NAGLU: variants seen among roughly 807,000 people sequenced by gnomAD.
NAGLU encodes alpha-N-acetylglucosaminidase.
NAGLU carries 34 observed loss-of-function variants against 43.4 expected under a neutral mutation model. The observed-to-expected ratio is 0.78, with a 90% CI of 0.60 to 1.04. The LOEUF (loss-of-function observed/expected upper bound fraction) is 1.04. Among genes scored for constraint, NAGLU ranks in the 50% least tolerant of loss-of-function variants. The pLI, the probability that NAGLU is intolerant of heterozygous loss-of-function variation, is 0.00. For synonymous variants in NAGLU, 425 were observed against 437.6 expected (o/e 0.97, Z 0.36); for missense variants, 910 against 993.7 (o/e 0.92, Z 1.13).
At chr17:42,542,992 C>T (rs941854947) in intron 5 of NAGLU, 36 bp from the exon 6 acceptor site, 4 of 1,597,816 alleles carry the variant, frequency 2.5e-6, no homozygotes, top group Admixed American at 1.7e-5. Context: ...TGTTTCATCA[C>T]TCCTCTTCTC....
chr17:42,541,187 C>T lies in NAGLU; in HGVS notation c.1002C>T (p.Val334=), dbSNP rs55801863. The change falls in exon 5 of 6, where the codon GTC becomes GTT. Residue 334 remains valine, a synonymous_variant. Coordinates refer to ENST00000225927, the MANE Select transcript of NAGLU (RefSeq NM_000263.4). The part of the protein sequence containing the change: ...PSYLAAATTA[V]YEAMTAVDTE... ...ACCTTGCCGCAGCCACCACTGCCGT[C>T]TATGAGGCCATGACTGCAGGTACAG... The T allele has an allele frequency of 1.2e-6, 2 of 1,613,266 alleles. No homozygotes were observed. The highest frequency in any genetic ancestry group is 1.7e-6 in the Non-Finnish European group (2 of 1,180,036).
Position 42,544,077 on chromosome 17 carries a change from C to T in NAGLU, c.2071C>T (p.Pro691Ser), listed in dbSNP as rs2092930455. Residue 691 changes from proline (P) to serine (S), a missense_variant, in exon 6 of 6, where the codon CCT becomes TCT. Transcript: ENST00000225927. ...GGTTGACAGTGTGGCCCAGGGCATC[C>T]CTTTCCAACAGCACCAGTTTGACAA... ...ALVDSVAQGI[P>S]FQQHQFDKNV... is the part of the protein sequence containing the mutation. The T allele has an allele frequency of 3.7e-6, 6 of 1,613,990 alleles. No individual in the cohort carries two copies. Among genetic ancestry groups the T allele is most frequent in the Non-Finnish European group, 5.1e-6 (6 of 1,179,976 alleles).
intron 4 of NAGLU, among the ~76,000 whole-genome samples, chr17:42,539,172 C>G (rs2092915378): frequency 6.6e-6 from 1 of 152,228 alleles, no homozygotes; most frequent in Non-Finnish European, 1.5e-5. Flanking sequence ...TCTGACTCTG[C>G]TACTAATTAG....
At chr17:42,541,846 G>T (rs1401137901) in intron 5 of NAGLU, among the ~76,000 whole-genome samples, 1 of 152,034 alleles carries the variant, frequency 6.6e-6, no homozygotes, top group African/African-American at 2.4e-5. Flanking sequence ...AGCAGCAGCA[G>T]CCCGAGCTGT....
rs2092920015 is a variant in NAGLU, at chr17:42,540,966, A to G, written c.781A>G (p.Asn261Asp). 5.0e-6 allele frequency: 8 copies of G among 1,614,192 alleles called. No homozygotes were observed. Among genetic ancestry groups the G allele is most frequent in the Non-Finnish European group, 6.8e-6 (8 of 1,180,046 alleles). The change falls in exon 5 of 6, where the codon AAT (asparagine) becomes GAT (aspartate). Residue 261 changes from asparagine to aspartate, a missense_variant. Coordinates refer to ENST00000225927, the MANE Select transcript of NAGLU (RefSeq NM_000263.4). ...CCCCACTAGGGTGTTCCCTCAGGTCAATGTCACGAAGATGGGCAGTTGGGG... is the reference window on the plus strand; with the variant it reads ...CCCCACTAGGGTGTTCCCTCAGGTCGATGTCACGAAGATGGGCAGTTGGGG... ...EAVTRVFPQV[N>D]VTKMGSWGHF...
chr17:42,542,941 A>G (rs965738066), intron 5 of NAGLU, 87 bp from the exon 6 acceptor site: 3 of 1,579,912 alleles, frequency 1.9e-6, no homozygotes, highest in African/African-American at 1.3e-5. Context: ...CCTGGGATAG[A>G]CAGTCGTCTG....
chr17:42,536,349 C>T lies in NAGLU; in HGVS notation c.77C>T (p.Ala26Val), dbSNP rs988433554. ...AGAGGAAGDE[A>V]REAAAVRALV... ...GCCGGGGGCGCGGCAGGCGACGAGG[C>T]CCGGGAGGCGGCGGCCGTGCGGGCG... Residue 26 changes from alanine (A) to valine (V), a missense_variant, in exon 1 of 6, where the codon GCC becomes GTC. By Grantham distance (64) the Ala-to-Val change is moderately conservative. Coordinates refer to ENST00000225927, the MANE Select transcript of NAGLU (RefSeq NM_000263.4). 1 of 1,205,314 alleles carries T rather than the reference C, an allele frequency of 8.3e-7. No individual in the cohort carries two copies. Among genetic ancestry groups the T allele is most frequent in the Non-Finnish European group, 1.0e-6 (1 of 971,768 alleles). 74.7% of individuals were successfully genotyped at this position (1,205,314 alleles called of 1,614,324 possible). A position where few individuals can be genotyped will look rare whatever the true frequency, so the allele number is the denominator to read the frequency against.
chr17:42,539,719 G>A (rs562391594), intron 4 of NAGLU, among the ~76,000 whole-genome samples: 1 of 152,326 alleles, frequency 6.6e-6, no homozygotes, highest in Non-Finnish European at 1.5e-5. Flanking sequence ...TTGGCTGAAG[G>A]ATACAATGTG....
In NAGLU at chr17:42,536,523, C is replaced by A; in HGVS notation, c.251C>A (p.Ala84Glu). Residue 84 changes from alanine to glutamate, a missense_variant, in exon 1 of 6, where the codon GCG becomes GAG. Physicochemically the swap from Ala to Glu is moderately radical, Grantham distance 107. Transcript: ENST00000225927. ...CGGGTGCGCGGCTCCACGGGCGTGGCGGCCGCCGCGGGGCTGCACCGCTAC... is the reference window on the plus strand; with the variant it reads ...CGGGTGCGCGGCTCCACGGGCGTGGAGGCCGCCGCGGGGCTGCACCGCTAC... ...RVRVRGSTGVAAAAGLHRYLR... is the reference protein window; with the variant it reads ...RVRVRGSTGVEAAAGLHRYLR... The A allele has an allele frequency of 7.7e-7, 1 of 1,304,792 alleles. No individual in the cohort carries two copies. Among genetic ancestry groups the A allele is most frequent in the South Asian group, 2.2e-5 (1 of 44,452 alleles). 80.8% of individuals were successfully genotyped at this position (1,304,792 alleles called of 1,614,324 possible). A position where few individuals can be genotyped will look rare whatever the true frequency, so the allele number is the denominator to read the frequency against.
chr17:42,538,757 T>C lies in NAGLU; in HGVS notation c.764+2T>C, dbSNP rs2092914076. 1 of 1,613,678 alleles carries C rather than the reference T, an allele frequency of 6.2e-7. No individual in the cohort carries two copies. The highest frequency in any genetic ancestry group is 1.7e-5 in the Admixed American group (1 of 60,008). On this transcript the variant is annotated splice_donor_variant, in intron 4 of 5. Transcript: ENST00000225927. LOFTEE classifies it high-confidence loss of function. Reference sequence around the variant, plus strand: ...GCATGTTCCCGAGGCTGTCACCAGGTGAGGTTCCGCTCACCCCCTCCACTT... The same window carrying C: ...GCATGTTCCCGAGGCTGTCACCAGGCGAGGTTCCGCTCACCCCCTCCACTT...
In NAGLU at chr17:42,543,397, G is replaced by A. The variant is rs377282648; in HGVS notation, c.1391G>A (p.Arg464Gln). Residue 464 changes from arginine (R) to glutamine (Q), a missense_variant, in exon 6 of 6, where the codon CGA (arginine) becomes CAA (glutamine). Physicochemically the swap from Arg to Gln is conservative, Grantham distance 43. Transcript: ENST00000225927. ...VYSLMAELGWRKDPVPDLAAW... is the reference protein window; with the variant it reads ...VYSLMAELGWQKDPVPDLAAW... Reference sequence around the variant, plus strand: ...TCCCTCATGGCTGAGCTGGGCTGGCGAAAGGACCCAGTGCCAGATTTGGCA... The same window carrying A: ...TCCCTCATGGCTGAGCTGGGCTGGCAAAAGGACCCAGTGCCAGATTTGGCA... The A allele has an allele frequency of 6.2e-5, 100 of 1,606,892 alleles. No homozygotes were observed. Among genetic ancestry groups the A allele is most frequent in the Middle Eastern group, 1.6e-4 (1 of 6,072 alleles).
intron 1 of NAGLU, chr17:42,537,192 G>A (rs2092908725): frequency 3.0e-6 from 2 of 670,402 alleles, no homozygotes; most frequent in Admixed American, 4.7e-5. Flanking sequence ...AGGCTAGAGG[G>A]CCCTGGGAGA....
At chr17:42,539,244 G>T (rs2092915485) in intron 4 of NAGLU, among the ~76,000 whole-genome samples, 1 of 152,234 alleles carries the variant, frequency 6.6e-6, no homozygotes, top group Non-Finnish European at 1.5e-5. Flanking sequence ...CTTGTAAAAT[G>T]GGATCTCTAC....
chr17:42,537,497 C>T lies in NAGLU; in HGVS notation c.483C>T (p.Gly161=). The T allele has an allele frequency of 6.2e-7, 1 of 1,614,214 alleles. No individual in the cohort carries two copies. The change falls in exon 2 of 6, where the codon GGC becomes GGT. Residue 161 remains glycine, a synonymous_variant. Transcript: ENST00000225927. ...EREIDWMALN[G]INLALAWSGQ... ...AGATAGACTGGATGGCGCTGAATGG[C>T]ATCAACCTGGCACTGGCCTGGAGCG... is the stretch of plus-strand genomic sequence containing the variant.
intron 4 of NAGLU, 115 bp from the exon 5 acceptor site, chr17:42,540,835 A>G: frequency 2.0e-6 from 3 of 1,470,576 alleles, no homozygotes; most frequent in African/African-American, 2.8e-5. Context: ...AGCCTGTACA[A>G]AGCCATAGAG....
chr17:42,543,738 G>A lies in NAGLU; in HGVS notation c.1732G>A (p.Glu578Lys). The A allele has an allele frequency of 6.2e-7, 1 of 1,611,532 alleles. No homozygotes were observed. Among genetic ancestry groups the A allele is most frequent in the South Asian group, 1.1e-5 (1 of 91,028 alleles). Residue 578 changes from glutamate to lysine, a missense_variant, in exon 6 of 6, where the codon GAG (glutamate) becomes AAG (lysine). Transcript: ENST00000225927. ...VQELVSLYYE[E>K]ARSAYLSKEL... The stretch of plus-strand genomic sequence containing the variant: ...GGAGCTGGTCAGCTTGTACTATGAG[G>A]AGGCAAGAAGCGCCTACCTGAGCAA...
intron 1 of NAGLU, chr17:42,536,972 G>A: frequency 2.1e-6 from 1 of 477,610 alleles, no homozygotes; most frequent in Non-Finnish European, 3.6e-6. Flanking sequence ...TTGAACCTGC[G>A]GACTGAGGAA....
At chr17:42,540,173 G>A (rs1207950830) in intron 4 of NAGLU, among the ~76,000 whole-genome samples, 1 of 151,542 alleles carries the variant, frequency 6.6e-6, no homozygotes, top group African/African-American at 2.4e-5. Context: ...CTCATAGTGG[G>A]AGTTGAACAA....
rs767597884 is a variant in NAGLU at position 42,543,604 on chromosome 17, G to C, written c.1598G>C (p.Arg533Pro). The C allele has an allele frequency of 6.2e-7, 1 of 1,612,938 alleles. No individual in the cohort carries two copies. Among genetic ancestry groups the C allele is most frequent in the Non-Finnish European group, 8.5e-7 (1 of 1,180,038 alleles). ...ATGAATACCAGCATCTGGTACAACC[G>C]ATCTGATGTGTTTGAGGCCTGGCGG... is the stretch of plus-strand genomic sequence containing the variant. ...LQMNTSIWYN[R>P]SDVFEAWRLL... The change falls in exon 6 of 6, where the codon CGA becomes CCA. Residue 533 changes from arginine to proline, a missense_variant. Physicochemically the swap from Arg to Pro is moderately radical, Grantham distance 103 (BLOSUM62 -2). Transcript: ENST00000225927.
Sources: gnomAD v4.1 joint callset for allele counts (sites outside exome capture counted in the v4.1 genomes callset) on GRCh38, gnomAD v4.1.1 for gene constraint, MANE v1.5 for transcripts, NCBI Gene and HGNC (gene_info 2026-07-23, HGNC 2026-07-21) for gene names.